The following ZNF701 variants were observed in gnomAD, a reference collection of about 807,000 sequenced individuals.
ZNF701 encodes zinc finger protein 701.
In ZNF701, 6 loss-of-function variants were observed where a neutral mutation model predicts 7.1. The ratio of observed to expected loss-of-function variants is 0.84; its 90% CI spans 0.46 to 1.66. The LOEUF (loss-of-function observed/expected upper bound fraction) is 1.66, where lower values mean the gene tolerates loss of function less well. Among genes scored for constraint, ZNF701 ranks in the 40% most tolerant of loss-of-function variants. The probability of loss-of-function intolerance (pLI) is 0.01; values close to 1 mark genes in which losing one functional copy is unlikely to be tolerated. For synonymous variants in ZNF701, 166 were observed against 188.2 expected, an observed-to-expected ratio of 0.88 and a Z score of 0.97; for missense variants, 541 against 559.2, an observed-to-expected ratio of 0.97 and a Z score of 0.33.
In ZNF701 at chr19:52,582,993, A is replaced by T; in HGVS notation, c.934A>T (p.Asn312Tyr). 6.2e-7 allele frequency: 1 copy of T among 1,613,816 alleles called. No homozygotes were observed. The highest frequency in any genetic ancestry group is 1.1e-5 in the South Asian group (1 of 91,062). The change falls in exon 4 of 4, where the codon AAC (asparagine) becomes TAC (tyrosine). Residue 312 changes from asparagine (N) to tyrosine (Y), a missense_variant. Physicochemically the swap from Asn to Tyr is moderately radical, Grantham distance 143. Coordinates refer to ENST00000391785, the MANE Select transcript of ZNF701 (RefSeq NM_018260.3). Reference protein sequence around the residue: ...ECGKVFNQQSNLARHHRVHTG... With the variant: ...ECGKVFNQQSYLARHHRVHTG... The stretch of plus-strand genomic sequence containing the variant: ...TGGCAAGGTTTTTAATCAACAATCA[A>T]ACCTTGCACGTCATCATAGAGTTCA...
the ZNF701 span, chr19:52,596,854 C>A: frequency 1.8e-6 from 1 of 548,170 alleles, no homozygotes; most frequent in Non-Finnish European, 3.7e-6. Flanking sequence ...TTCATACTGT[C>A]TAAGGTTTCT....
At chr19:52,598,256 T>C in the ZNF701 span, among the ~76,000 whole-genome samples, 1 of 152,216 alleles carries the variant, frequency 6.6e-6, no homozygotes, top group Non-Finnish European at 1.5e-5. Context: ...TAAGTTAATA[T>C]TTCAAACAAT....
At chr19:52,575,418 G>GT (rs1296141857) in intron 2 of ZNF701, among the ~76,000 whole-genome samples, 3 of 151,310 alleles carry the variant, frequency 2.0e-5, no homozygotes, top group Non-Finnish European at 4.4e-5. Context: ...TATTAACGTG[G>GT]TTTTTTGTGA....
At chr19:52,577,792 C>A (rs990333546) in intron 3 of ZNF701, among the ~76,000 whole-genome samples, 2 of 152,056 alleles carry the variant, frequency 1.3e-5, no homozygotes, top group Non-Finnish European at 2.9e-5. Context: ...GGATAGTATC[C>A]AGGCCTGCCC....
rs777631442 is a variant in ZNF701, at chr19:52,583,354, A to C, written c.1295A>C (p.His432Pro). ...AACCTTGCATGTCATCGTAGACTTC[A>C]TACTGGAGAGAAACCTTACAAGTGT... ...KSNLACHRRL[H>P]TGEKPYKCNE... Residue 432 changes from histidine to proline, a missense_variant, in exon 4 of 4, where the codon CAT (histidine) becomes CCT (proline). Physicochemically the swap from His to Pro is moderately conservative, Grantham distance 77 (BLOSUM62 -2). Transcript: ENST00000391785. The C allele has an allele frequency of 6.2e-7, 1 of 1,607,964 alleles. No homozygotes were observed. The highest frequency in any genetic ancestry group is 1.1e-5 in the South Asian group (1 of 90,758).
Position 52,582,927 on chromosome 19 carries a change from G to A in ZNF701, c.868G>A (p.Ala290Thr). The A allele has an allele frequency of 1.2e-6, 2 of 1,614,070 alleles. No homozygotes were observed. Among genetic ancestry groups the A allele is most frequent in the Non-Finnish European group, 1.7e-6 (2 of 1,180,000 alleles). ...SHNSALLVHKAIHTGEKPYKC... is the reference protein window; with the variant it reads ...SHNSALLVHKTIHTGEKPYKC... ...CAATTCAGCCCTGTTAGTTCACAAG[G>A]CAATTCATACTGGAGAGAAACCTTA... Residue 290 changes from alanine to threonine, a missense_variant, in exon 4 of 4, where the codon GCA becomes ACA. Physicochemically the swap from Ala to Thr is moderately conservative, Grantham distance 58 (BLOSUM62 0). Coordinates refer to ENST00000391785, the MANE Select transcript of ZNF701 (RefSeq NM_018260.3).
rs752835501 is a variant in ZNF701, at chr19:52,583,405, G to A, written c.1346G>A (p.Arg449Gln). 8.7e-6 allele frequency: 14 copies of A among 1,613,246 alleles called. No individual in the cohort carries two copies. Among genetic ancestry groups the A allele is most frequent in the African/African-American group, 5.3e-5 (4 of 74,856 alleles). Residue 449 changes from arginine to glutamine, a missense_variant, in exon 4 of 4, where the codon CGA becomes CAA. Arg to Gln is a conservative substitution (Grantham distance 43). Transcript: ENST00000391785. Reference protein sequence around the residue: ...KCNECGKVFNRKSNLERHHRL... With the variant: ...KCNECGKVFNQKSNLERHHRL... Reference sequence around the variant, plus strand: ...AATGAATGTGGCAAGGTTTTTAATCGAAAATCAAACCTTGAACGTCATCAT... The same window carrying A: ...AATGAATGTGGCAAGGTTTTTAATCAAAAATCAAACCTTGAACGTCATCAT...
At chr19:52,578,179 G>A (rs1174408791) in intron 3 of ZNF701, among the ~76,000 whole-genome samples, 2 of 149,866 alleles carry the variant, frequency 1.3e-5, no homozygotes, top group Non-Finnish European at 3.0e-5. Context: ...GCATGAACCC[G>A]GGAGGCAGAG....
At chr19:52,589,204 A>G (rs2060027174), downstream of ZNF701, among the ~76,000 whole-genome samples, 1 of 152,090 alleles carries the variant, frequency 6.6e-6, no homozygotes, top group African/African-American at 2.4e-5. Context: ...TTTTAAGCAA[A>G]TCTTACTCCT....
chr19:52,575,014 G>A (rs2059924063), intron 2 of ZNF701, among the ~76,000 whole-genome samples: 2 of 152,172 alleles, frequency 1.3e-5, no homozygotes, highest in Non-Finnish European at 2.9e-5. Flanking sequence ...CTGTTGCCCA[G>A]GCTGTAGTGC....
downstream of ZNF701, among the ~76,000 whole-genome samples, chr19:52,591,062 TTTCTTGA>T: frequency 6.6e-6 from 1 of 151,996 alleles, no homozygotes; most frequent in African/African-American, 2.4e-5. Flanking sequence ...ATGCTCTTGA[TTTCTTGA>T]CCTCCTGATC....
In ZNF701 at chr19:52,582,306, G is replaced by A. The variant is rs1231206410; in HGVS notation, c.247G>A (p.Gly83Arg). 2 of 1,613,988 alleles carry A rather than the reference G, an allele frequency of 1.2e-6. No homozygotes were observed. The highest frequency in any genetic ancestry group is 1.7e-6 in the Non-Finnish European group (2 of 1,179,974). Residue 83 changes from glycine (G) to arginine (R), a missense_variant, in exon 4 of 4, where the codon GGA becomes AGA. Gly to Arg is a moderately radical substitution (Grantham distance 125). Transcript: ENST00000391785. Reference protein sequence around the residue: ...TLQIHASHHIGDTCFQEIEKD... With the variant: ...TLQIHASHHIRDTCFQEIEKD... Reference sequence around the variant, plus strand: ...GCAAATACATGCAAGTCATCACATTGGAGATACTTGCTTCCAGGAAATTGA... The same window carrying A: ...GCAAATACATGCAAGTCATCACATTAGAGATACTTGCTTCCAGGAAATTGA...
In ZNF701 at chr19:52,584,120, CT is replaced by C; in HGVS notation, c.*665del. 2.7e-6 allele frequency: 1 copy of C among 363,772 alleles called. No homozygotes were observed. 22.5% of individuals were successfully genotyped at this position (363,772 alleles called of 1,614,324 possible). On this transcript the variant is annotated 3_prime_UTR_variant, in exon 4 of 4. Transcript: ENST00000391785. ...CAGAGGATCCATACTGGACAGAAAT[CT>C]TACAAACGTCCTATGTGTGGCAAGG... is the stretch of plus-strand genomic sequence containing the variant.
At chr19:52,596,096 C>T in the ZNF701 span, 2 of 1,090,112 alleles carry the variant, frequency 1.8e-6, no homozygotes, top group Non-Finnish European at 2.8e-6. Context: ...ACAAGAAGTA[C>T]ACATGAGGGA....
chr19:52,591,430 CT>C (rs1396436014), downstream of ZNF701, among the ~76,000 whole-genome samples: 1 of 152,146 alleles, frequency 6.6e-6, no homozygotes, highest in Non-Finnish European at 1.5e-5. Flanking sequence ...ATCCACCCAC[CT>C]TGGTTTCCCA....
the ZNF701 span, chr19:52,599,032 G>T: frequency 6.7e-6 from 1 of 150,352 alleles, no homozygotes; most frequent in East Asian, 1.9e-4. Flanking sequence ...TCTGTCTTCT[G>T]AGGTTTTTTT....
intron 3 of ZNF701, among the ~76,000 whole-genome samples, chr19:52,578,982 G>A (rs1039947548): frequency 4.8e-5 from 7 of 147,024 alleles, no homozygotes; most frequent in African/African-American, 1.1e-4. Flanking sequence ...TCCTGACCTC[G>A]TGATCCACCC....
chr19:52,576,847 T>C (rs988655685), intron 3 of ZNF701, among the ~76,000 whole-genome samples: 1 of 152,176 alleles, frequency 6.6e-6, no homozygotes, highest in African/African-American at 2.4e-5. Context: ...TATCTCCATG[T>C]TGGAGCAAGA....
the ZNF701 span, among the ~76,000 whole-genome samples, chr19:52,594,683 C>G: frequency 6.6e-6 from 1 of 151,538 alleles, no homozygotes; most frequent in Non-Finnish European, 1.5e-5. Flanking sequence ...CCGGCTATTT[C>G]TGTATTTTTA....
Sources: gnomAD v4.1 joint callset for allele counts (sites outside exome capture counted in the v4.1 genomes callset) on GRCh38, gnomAD v4.1.1 for gene constraint, MANE v1.5 for transcripts, NCBI Gene and HGNC (gene_info 2026-07-23, HGNC 2026-07-21) for gene names.